CCR3: variants seen among roughly 807,000 people sequenced by gnomAD.
CCR3 encodes C-C motif chemokine receptor 3.
For missense variants in CCR3, 419 were observed against 437.5 expected (o/e 0.96, Z 0.38); for synonymous variants, 203 against 179.2 (o/e 1.13, Z -1.06).
chr3:46,239,731 G>T (rs927012039), upstream of CCR3, among the ~76,000 whole-genome samples: 1 of 152,164 alleles, frequency 6.6e-6, no homozygotes, highest in Admixed American at 6.5e-5. Context: ...CTGGTCTACT[G>T]CGTAGTCCCA....
intron 1 of CCR3, among the ~76,000 whole-genome samples, chr3:46,256,437 C>G (rs1456750785): frequency 4.0e-5 from 6 of 151,836 alleles, no homozygotes. Flanking sequence ...ACCACAATCC[C>G]AAAATATTAA....
intron 1 of CCR3, among the ~76,000 whole-genome samples, chr3:46,259,934 A>G (rs1231696343): frequency 6.6e-6 from 1 of 152,216 alleles, no homozygotes; most frequent in African/African-American, 2.4e-5. Context: ...CATACCTGTG[A>G]CTGGGCAATT....
rs13433751 is a variant in CCR3, at chr3:46,260,587, C to T, written c.-11-4561C>T. Among the ~76,000 whole-genome samples, 330 of 152,318 alleles carry T rather than the reference C, an allele frequency of 2.2e-3. 2 individuals carry two copies. Among genetic ancestry groups the T allele is most frequent in the African/African-American group, 6.6e-3 (274 of 41,572 alleles). ...AAAGCTCCAGAATGATCTCCTTTGACTCCATGTCTTGCATCCAGGTTATGC... is the reference window on the plus strand; with the variant it reads ...AAAGCTCCAGAATGATCTCCTTTGATTCCATGTCTTGCATCCAGGTTATGC... On this transcript the variant is annotated intron_variant, in intron 1 of 1. Coordinates refer to ENST00000395940, the MANE Select transcript of CCR3 (RefSeq NM_178329.3).
intron 1 of CCR3, among the ~76,000 whole-genome samples, chr3:46,253,565 C>G (rs1482959254): frequency 1.3e-5 from 2 of 152,122 alleles, no homozygotes; most frequent in Non-Finnish European, 2.9e-5. Context: ...GTGAAATGAT[C>G]CTTCCCACTA....
intron 1 of CCR3, among the ~76,000 whole-genome samples, chr3:46,252,312 A>G (rs1180149215): frequency 3.3e-5 from 5 of 151,426 alleles, no homozygotes; most frequent in African/African-American, 1.2e-4. Flanking sequence ...AGTAGCTGGA[A>G]TTACAGGGGT....
intron 1 of CCR3, among the ~76,000 whole-genome samples, chr3:46,246,825 G>A (rs538179258): frequency 2.6e-5 from 4 of 152,200 alleles, no homozygotes; most frequent in African/African-American, 9.6e-5. Flanking sequence ...GAGAATGGGC[G>A]ATGTTTCCCA....
At chr3:46,224,755 A>T (rs1047368771) in intron 2 of CCR3, among the ~76,000 whole-genome samples, 1 of 149,374 alleles carries the variant, frequency 6.7e-6, no homozygotes, top group Non-Finnish European at 1.5e-5. Context: ...AAAAAAAAAA[A>T]GCCATCAACA....
chr3:46,218,339 CA>C (rs35238937), intron 2 of CCR3, among the ~76,000 whole-genome samples: 25,517 of 142,728 alleles, frequency 0.18, 3,129 homozygotes, highest in African/African-American at 0.35. Flanking sequence ...AAATTGCCAA[CA>C]AAAAAAAAAA....
At chr3:46,239,853 A>G (rs759884208), upstream of CCR3, among the ~76,000 whole-genome samples, 2 of 152,176 alleles carry the variant, frequency 1.3e-5, no homozygotes, top group Non-Finnish European at 2.9e-5. Flanking sequence ...CACCCAGAAA[A>G]TTTATGTGGA....
Position 46,266,342 on chromosome 3 carries a change from T to C in CCR3, c.*116T>C. 6.1e-6 allele frequency: 4 copies of C among 660,712 alleles called. No homozygotes were observed. Among genetic ancestry groups the C allele is most frequent in the Non-Finnish European group, 1.1e-5 (4 of 375,280 alleles). The allele number at this position is 660,712 out of a possible 1,614,324, so 40.9% of individuals were successfully genotyped here. On this transcript the variant is annotated 3_prime_UTR_variant, in exon 2 of 2. Coordinates refer to ENST00000395940, the MANE Select transcript of CCR3 (RefSeq NM_178329.3). ...CAAACTTCCAGTGCAACACTGAAGC[T>C]CTTGAAGACACTGAAATATACACAC... is the stretch of plus-strand genomic sequence containing the variant.
At chr3:46,230,504 G>A (rs979336373) in intron 2 of CCR3, among the ~76,000 whole-genome samples, 11 of 152,114 alleles carry the variant, frequency 7.2e-5, no homozygotes, top group Admixed American at 6.5e-4. Flanking sequence ...TGATAGAGCT[G>A]GATTCCAGGA....
chr3:46,232,264 A>G (rs564391749), intron 2 of CCR3, among the ~76,000 whole-genome samples: 5 of 152,346 alleles, frequency 3.3e-5, no homozygotes, highest in Admixed American at 1.3e-4. Context: ...TAATTTGAAC[A>G]TGAAGGTTAC....
intron 2 of CCR3, among the ~76,000 whole-genome samples, chr3:46,224,521 TGAGGTGAG>T (rs1436597950): frequency 1.3e-5 from 2 of 151,822 alleles, no homozygotes; most frequent in African/African-American, 4.8e-5. Flanking sequence ...GCAGATTACC[TGAGGTGAG>T]GAGTTTGAGA....
chr3:46,241,100 TTTC>T (rs1481803004), upstream of CCR3, among the ~76,000 whole-genome samples: 2 of 151,932 alleles, frequency 1.3e-5, no homozygotes, highest in African/African-American at 4.8e-5. Context: ...CCTTCCTCCC[TTTC>T]TTCTCTTTCT....
At chr3:46,253,663 T>A (rs1700361369) in intron 1 of CCR3, among the ~76,000 whole-genome samples, 1 of 126,766 alleles carries the variant, frequency 7.9e-6, no homozygotes, top group East Asian at 2.9e-4. Context: ...ATTAACCCCA[T>A]CACATGTTAA....
At chr3:46,255,830 T>C (rs914127906) in intron 1 of CCR3, among the ~76,000 whole-genome samples, 4 of 152,130 alleles carry the variant, frequency 2.6e-5, no homozygotes, top group African/African-American at 9.7e-5. Context: ...TGAAGCTGGG[T>C]AACGTGATGC....
intron 2 of CCR3, among the ~76,000 whole-genome samples, chr3:46,217,502 C>T (rs2125922883): frequency 6.6e-6 from 1 of 152,260 alleles, no homozygotes; most frequent in Non-Finnish European, 1.5e-5. Flanking sequence ...CCAAAAACTG[C>T]AGAATATACA....
chr3:46,245,643 A>G (rs1433887759), intron 1 of CCR3, among the ~76,000 whole-genome samples: 1 of 151,988 alleles, frequency 6.6e-6, no homozygotes, highest in Non-Finnish European at 1.5e-5. Flanking sequence ...TTTGTTGTAC[A>G]GATTATTTCA....
intron 1 of CCR3, chr3:46,264,836 G>A (rs1700587377): frequency 2.5e-6 from 1 of 398,744 alleles, no homozygotes; most frequent in South Asian, 4.1e-5. Flanking sequence ...TATCTAGCCT[G>A]TTTTTTCCTG....
Sources: gnomAD v4.1 joint callset for allele counts (sites outside exome capture counted in the v4.1 genomes callset) on GRCh38, gnomAD v4.1.1 for gene constraint, MANE v1.5 for transcripts, NCBI Gene and HGNC (gene_info 2026-07-23, HGNC 2026-07-21) for gene names.